Variants in OR4K14 observed in about 807,000 individuals in gnomAD.
OR4K14 encodes the protein olfactory receptor family 4 subfamily K member 14, also known as olfactory receptor 4K14.
For missense variants in OR4K14, 406 were observed against 373.6 expected, an observed-to-expected ratio of 1.09 and a Z score of -0.72; for synonymous variants, 153 against 141.5, an observed-to-expected ratio of 1.08 and a Z score of -0.58.
In OR4K14 at chr14:20,019,209, T is replaced by C. The variant is rs1233928172; in HGVS notation, c.-96A>G. On this transcript the variant is annotated 5_prime_UTR_variant, in exon 1 of 2. Coordinates refer to ENST00000641793, the MANE Select transcript of OR4K14 (RefSeq NM_001004712.2). ...ATTTATATTTTACATCTATTATACT[T>C]GAATGGAGCTATTGAAAACACATAT... is the stretch of plus-strand genomic sequence containing the variant. 2 of 152,118 alleles carry C rather than the reference T, an allele frequency of 1.3e-5. No homozygotes were observed. The highest frequency in any genetic ancestry group is 2.9e-5 in the Non-Finnish European group (2 of 67,952). The allele number at this position is 152,118 out of a possible 1,614,324, so 9.4% of individuals were successfully genotyped here.
At chr14:20,018,135 A>C (rs879358037) in intron 1 of OR4K14, among the ~76,000 whole-genome samples, 1 of 152,046 alleles carries the variant, frequency 6.6e-6, no homozygotes, top group Non-Finnish European at 1.5e-5. Context: ...GAAATAAAGT[A>C]ACTTATTCTA....
intron 1 of OR4K14, among the ~76,000 whole-genome samples, chr14:20,017,753 G>A (rs189318271): frequency 2.1e-4 from 32 of 152,058 alleles, no homozygotes; most frequent in African/African-American, 6.0e-4. Context: ...CACTGAAAAA[G>A]ATATTTCCAA....
At chr14:20,016,759 C>G (rs985899904) in intron 1 of OR4K14, among the ~76,000 whole-genome samples, 10 of 151,982 alleles carry the variant, frequency 6.6e-5, no homozygotes, top group African/African-American at 1.9e-4. Context: ...CCGTAATCAG[C>G]AAACTAGAGA....
At chr14:20,018,006 C>T (rs1877133553) in intron 1 of OR4K14, among the ~76,000 whole-genome samples, 1 of 151,942 alleles carries the variant, frequency 6.6e-6, no homozygotes, top group African/African-American at 2.4e-5. Context: ...AGGGGTATCA[C>T]ATAGAATCCT....
At position 20,014,357 on chromosome 14, in the gene OR4K14, A is replaced by G; in HGVS notation, c.837T>C (p.Phe279=). The change falls in exon 2 of 2, where the codon TTT becomes TTC. Residue 279 remains phenylalanine (F), a synonymous_variant. Transcript: ENST00000641793. ...AGATAATGGGGTTCAGGAGTGGAGT[A>G]AAAATGGTATAAAACACAGACAGCA... ...DKLLSVFYTI[F]TPLLNPIIYT... The G allele has an allele frequency of 1.2e-6, 2 of 1,613,788 alleles. No individual in the cohort carries two copies. The highest frequency in any genetic ancestry group is 1.7e-6 in the Non-Finnish European group (2 of 1,179,692).
At position 20,014,983 on chromosome 14, in the gene OR4K14, C is replaced by T. The variant is rs1308922286; in HGVS notation, c.211G>A (p.Asp71Asn). 2 of 1,613,940 alleles carry T rather than the reference C, an allele frequency of 1.2e-6. No homozygotes were observed. The highest frequency in any genetic ancestry group is 1.1e-5 in the South Asian group (1 of 91,048). Reference protein sequence around the residue: ...YFLLGNLAFLDMWLASFATPK... With the variant: ...YFLLGNLAFLNMWLASFATPK... ...GTGGCAAATGAGGCCAGCCACATGT[C>T]CAGGAAAGCTAGGTTCCCCAGCAGG... Residue 71 changes from aspartate to asparagine, a missense_variant, in exon 2 of 2, where the codon GAC (aspartate) becomes AAC (asparagine). By Grantham distance (23) the Asp-to-Asn change is conservative. Coordinates refer to ENST00000641793, the MANE Select transcript of OR4K14 (RefSeq NM_001004712.2).
chr14:20,016,222 G>A (rs1489169930), intron 1 of OR4K14, among the ~76,000 whole-genome samples: 1 of 146,076 alleles, frequency 6.8e-6, no homozygotes, highest in Non-Finnish European at 1.5e-5. Flanking sequence ...GCAAAGGCAT[G>A]TTGATAGGTA....
In OR4K14 at chr14:20,015,196, C is replaced by G; in HGVS notation, c.-3G>C. The G allele has an allele frequency of 6.3e-7, 1 of 1,575,368 alleles. No individual in the cohort carries two copies. The highest frequency in any genetic ancestry group is 8.6e-7 in the Non-Finnish European group (1 of 1,161,008). The stretch of plus-strand genomic sequence containing the variant: ...AAGGAATAGTTCTGTGGGTCCATTG[C>G]CTCAGGTTTCAGACTTTGTTTGTAA... On this transcript the variant is annotated 5_prime_UTR_variant, in exon 2 of 2. Transcript: ENST00000641793.
chr14:20,015,457 A>T (rs1289715492), intron 1 of OR4K14, among the ~76,000 whole-genome samples: 2 of 152,166 alleles, frequency 1.3e-5, no homozygotes, highest in African/African-American at 4.8e-5. Flanking sequence ...AGAAGGAAAA[A>T]ATTCAAGTGA....
Position 20,014,511 on chromosome 14 carries a change from T to C in OR4K14, c.683A>G (p.Gln228Arg). 1 of 1,614,116 alleles carries C rather than the reference T, an allele frequency of 6.2e-7. No individual in the cohort carries two copies. The highest frequency in any genetic ancestry group is 8.5e-7 in the Non-Finnish European group (1 of 1,179,992). The change falls in exon 2 of 2, where the codon CAG becomes CGG. Residue 228 changes from glutamine (Q) to arginine (R), a missense_variant. By Grantham distance (43) the Gln-to-Arg change is conservative. Transcript: ENST00000641793. ...TTTGGATGTGCTACCGGCAGCACGCTGTCTGATAGCGAGGAGGATCACGGT... is the reference window on the plus strand; with the variant it reads ...TTTGGATGTGCTACCGGCAGCACGCCGTCTGATAGCGAGGAGGATCACGGT... The part of the protein sequence containing the change: ...SYTVILLAIR[Q>R]RAAGSTSKAL...
At chr14:20,018,687 T>C (rs12892219) in intron 1 of OR4K14, among the ~76,000 whole-genome samples, 60,200 of 151,822 alleles carry the variant, frequency 0.4, 12,650 homozygotes, top group East Asian at 0.76. Context: ...AATTTGCTAT[T>C]GAATCAAAGT....
chr14:20,016,874 A>ATCACGCT (rs1432159080), intron 1 of OR4K14, among the ~76,000 whole-genome samples: 1 of 151,948 alleles, frequency 6.6e-6, no homozygotes, highest in Non-Finnish European at 1.5e-5. Flanking sequence ...CACGCTTTTA[A>ATCACGCT]TTTGTTGTAA....
chr14:20,015,169 C>A lies in OR4K14; in HGVS notation c.25G>T (p.Val9Leu). The A allele has an allele frequency of 1.2e-6, 2 of 1,610,332 alleles. No homozygotes were observed. Among genetic ancestry groups the A allele is most frequent in the Non-Finnish European group, 1.7e-6 (2 of 1,178,488 alleles). MDPQNYSL[V>L]SEFVLHGLCT... ...AGTCCATGCAACACAAATTCTGACA[C>A]CAAGGAATAGTTCTGTGGGTCCATT... The change falls in exon 2 of 2, where the codon GTG (valine) becomes TTG (leucine). Residue 9 changes from valine to leucine, a missense_variant. Coordinates refer to ENST00000641793, the MANE Select transcript of OR4K14 (RefSeq NM_001004712.2).
rs548344758 is a variant in OR4K14 at position 20,019,233 on chromosome 14, A to G, written c.-120T>C. The G allele has an allele frequency of 6.6e-6, 1 of 152,234 alleles. No individual in the cohort carries two copies. The highest frequency in any genetic ancestry group is 2.4e-5 in the African/African-American group (1 of 41,564). 9.4% of individuals were successfully genotyped at this position (152,234 alleles called of 1,614,324 possible). ...TTGAATGGAGCTATTGAAAACACAT[A>G]TTTTATCCCAGAGATGATTTAATCA... On this transcript the variant is annotated 5_prime_UTR_variant, in exon 1 of 2. Coordinates refer to ENST00000641793, the MANE Select transcript of OR4K14 (RefSeq NM_001004712.2).
intron 1 of OR4K14, among the ~76,000 whole-genome samples, chr14:20,018,341 A>C (rs1877140287): frequency 6.6e-6 from 1 of 152,032 alleles, no homozygotes; most frequent in Non-Finnish European, 1.5e-5. Context: ...TAAATCATTT[A>C]ATTGCAACAC....
In OR4K14 at chr14:20,014,257, G is replaced by A. The variant is rs1877035813; in HGVS notation, c.*4C>T. On this transcript the variant is annotated 3_prime_UTR_variant, in exon 2 of 2. Coordinates refer to ENST00000641793, the MANE Select transcript of OR4K14 (RefSeq NM_001004712.2). Reference sequence around the variant, plus strand: ...AAACATCTAACACTATGGAAGGCTGGATTTCATTGAAAAGTCACCCGTCGG... The same window carrying A: ...AAACATCTAACACTATGGAAGGCTGAATTTCATTGAAAAGTCACCCGTCGG... 6.4e-7 allele frequency: 1 copy of A among 1,569,062 alleles called. No individual in the cohort carries two copies.
rs202226803 is a variant in OR4K14 at position 20,014,319 on chromosome 14, T to C, written c.875A>G (p.Asn292Ser). 20 of 1,612,610 alleles carry C rather than the reference T, an allele frequency of 1.2e-5. 1 individual carries two copies. The African/African-American group carries it at 1.9e-4, about 15-fold the overall frequency. ...LLNPIIYTLRNEEMKAAMKKL... is the reference protein window; with the variant it reads ...LLNPIIYTLRSEEMKAAMKKL... ...CTTCATAGCTGCTTTCATCTCCTCA[T>C]TTCTCAATGTGTAGATAATGGGGTT... The change falls in exon 2 of 2, where the codon AAT becomes AGT. Residue 292 changes from asparagine to serine, a missense_variant. Transcript: ENST00000641793.
At chr14:20,018,878 G>A (rs1204320250) in intron 1 of OR4K14, among the ~76,000 whole-genome samples, 1 of 151,828 alleles carries the variant, frequency 6.6e-6, no homozygotes, top group Non-Finnish European at 1.5e-5. Context: ...TAATTTCTGA[G>A]AACTCTTTAT....
chr14:20,017,796 A>G (rs1388289355), intron 1 of OR4K14, among the ~76,000 whole-genome samples: 1 of 152,056 alleles, frequency 6.6e-6, no homozygotes. Flanking sequence ...CATAAAACCT[A>G]TGCAATCATT....
Sources: gnomAD v4.1 joint callset for allele counts (sites outside exome capture counted in the v4.1 genomes callset) on GRCh38, gnomAD v4.1.1 for gene constraint, MANE v1.5 for transcripts, NCBI Gene and HGNC (gene_info 2026-07-23, HGNC 2026-07-21) for gene names.